ANKRD30A: variants seen among roughly 807,000 people sequenced by gnomAD.
ANKRD30A encodes the protein ankyrin repeat domain 30A.
Under a neutral mutation model 166.3 loss-of-function variants are expected in ANKRD30A, and 170 were observed. The observed-to-expected ratio is 1.02, with a 90% CI of 0.90 to 1.16. ANKRD30A has a LOEUF of 1.16. ANKRD30A is among the 50% of genes most tolerant of loss of function. The pLI is 0.00. For synonymous variants in ANKRD30A, 564 were observed against 508.9 expected (o/e 1.11, Z -1.46); for missense variants, 1,630 against 1,518.0 (o/e 1.07, Z -1.23).
the ANKRD30A span, among the ~76,000 whole-genome samples, chr10:37,256,670 A>C: frequency 1.3e-5 from 2 of 152,210 alleles, no homozygotes; most frequent in Non-Finnish European, 2.9e-5. Context: ...ATCTGTGTTA[A>C]TCTATGTTAG....
At chr10:37,227,083 G>A (rs902748995) in intron 34 of ANKRD30A, among the ~76,000 whole-genome samples, 1 of 151,758 alleles carries the variant, frequency 6.6e-6, no homozygotes, top group Non-Finnish European at 1.5e-5. Flanking sequence ...CAGAAATACA[G>A]TTATCAAATA....
chr10:37,139,557 A>G (rs573220357), intron 6 of ANKRD30A, among the ~76,000 whole-genome samples: 17 of 152,242 alleles, frequency 1.1e-4, no homozygotes, highest in Admixed American at 4.6e-4. Flanking sequence ...TATTTATGCA[A>G]GGTAAGAATT....
intron 21 of ANKRD30A, among the ~76,000 whole-genome samples, chr10:37,171,424 AC>A (rs1839553570): frequency 6.7e-6 from 1 of 149,812 alleles, no homozygotes; most frequent in Non-Finnish European, 1.5e-5. Context: ...AATACGCATT[AC>A]AACTGTTACT....
chr10:37,217,774 A>T lies in ANKRD30A; in HGVS notation c.3163A>T (p.Ile1055Phe), dbSNP rs375399659. The T allele has an allele frequency of 2.1e-4, 336 of 1,598,420 alleles. No individual in the cohort carries two copies. The highest frequency in any genetic ancestry group is 2.8e-4 in the Non-Finnish European group (327 of 1,172,008). The change falls in exon 33 of 36, where the codon ATC (isoleucine) becomes TTC (phenylalanine). Residue 1055 changes from isoleucine (I) to phenylalanine (F), a missense_variant. By Grantham distance (21) the Ile-to-Phe change is conservative. This residue lies in a region of ANKRD30A where 712 missense variants were observed against 629.3 expected (regional missense o/e 1.13). Transcript: ENST00000361713. ...AAAAATTAGGGAAGAATTAGGAAGAATCGAAGAGCAGCATAGGAAAGAGTT... is the reference window on the plus strand; with the variant it reads ...AAAAATTAGGGAAGAATTAGGAAGATTCGAAGAGCAGCATAGGAAAGAGTT... ...NEKIREELGR[I>F]EEQHRKELEV...
chr10:37,201,625 G>T (rs543035585), intron 31 of ANKRD30A, among the ~76,000 whole-genome samples: 1 of 152,028 alleles, frequency 6.6e-6, no homozygotes. Flanking sequence ...GAAAGACAGA[G>T]CGTACAGAGA....
At chr10:37,193,878 G>T (rs112540705) in intron 27 of ANKRD30A, among the ~76,000 whole-genome samples, 1 of 138,140 alleles carries the variant, frequency 7.2e-6, no homozygotes, top group East Asian at 2.1e-4. Context: ...AGTTCTTGTT[G>T]TCATTCCCGT....
Position 37,133,902 on chromosome 10 carries a change from C to T in ANKRD30A, c.618-14C>T. On this transcript the variant is annotated splice_polypyrimidine_tract_variant and intron_variant, in intron 4 of 35. Transcript: ENST00000361713. ...TCTGCTCATAATAATGAAGTTATCT[C>T]TTTGTTATTTTAGCACAGCCCTCAT... 6.2e-7 allele frequency: 1 copy of T among 1,612,980 alleles called. No homozygotes were observed. The highest frequency in any genetic ancestry group is 8.5e-7 in the Non-Finnish European group (1 of 1,179,520).
At chr10:37,229,767 G>A (rs1022425415) in intron 34 of ANKRD30A, among the ~76,000 whole-genome samples, 3 of 151,592 alleles carry the variant, frequency 2.0e-5, no homozygotes, top group Admixed American at 2.0e-4. Context: ...GTACCCTTTT[G>A]ATTTGTTTTC....
At chr10:37,132,529 A>G (rs1283529506) in intron 4 of ANKRD30A, among the ~76,000 whole-genome samples, 183 bp downstream of exon 4, 4 of 152,132 alleles carry the variant, frequency 2.6e-5, no homozygotes, top group South Asian at 2.1e-4. Context: ...ATATAGTAGG[A>G]CTTCTCTTAT....
At chr10:37,252,918 T>C in the ANKRD30A span, among the ~76,000 whole-genome samples, 2 of 152,218 alleles carry the variant, frequency 1.3e-5, no homozygotes, top group African/African-American at 4.8e-5. Context: ...TGAAACACAT[T>C]GTCCTTTTAG....
At chr10:37,148,118 G>A (rs1214204960) in intron 9 of ANKRD30A, among the ~76,000 whole-genome samples, 3 of 151,558 alleles carry the variant, frequency 2.0e-5, no homozygotes, top group Non-Finnish European at 4.4e-5. Context: ...TTAATACACA[G>A]TATCATTCAG....
chr10:37,141,619 T>C, intron 6 of ANKRD30A, 99 bp from the exon 7 acceptor site: 1 of 1,479,940 alleles, frequency 6.8e-7, no homozygotes, highest in Admixed American at 2.3e-5. Flanking sequence ...TGGTAGTATT[T>C]AAGGAAAGCA....
the ANKRD30A span, among the ~76,000 whole-genome samples, chr10:37,258,642 A>C: frequency 6.6e-6 from 1 of 150,438 alleles, no homozygotes; most frequent in Admixed American, 6.6e-5. Context: ...TAAATGTGAA[A>C]GGTTAAAAAT....
intron 8 of ANKRD30A, 37 bp downstream of exon 8, chr10:37,145,093 T>G: frequency 6.9e-7 from 1 of 1,439,842 alleles, no homozygotes; most frequent in East Asian, 2.4e-5. Flanking sequence ...CTAAAAATAT[T>G]AATATTGAGT....
Position 37,141,709 on chromosome 10 carries a change from G to A in ANKRD30A, c.821-9G>A, listed in dbSNP as rs1159343779. The A allele has an allele frequency of 1.1e-5, 18 of 1,611,396 alleles. No individual in the cohort carries two copies. In the South Asian group the frequency reaches 1.2e-4, roughly 11 times the overall value. On this transcript the variant is annotated splice_polypyrimidine_tract_variant and intron_variant, in intron 6 of 35. Coordinates refer to ENST00000361713, the MANE Select transcript of ANKRD30A (RefSeq NM_052997.3). ...GAAGGAAAATTTAACCAGATTGTGT[G>A]TTTGGCAGAAGGAACATCTGCAGGA...
chr10:37,247,936 G>A, the ANKRD30A span, among the ~76,000 whole-genome samples: 2 of 151,448 alleles, frequency 1.3e-5, no homozygotes, highest in African/African-American at 4.9e-5. Context: ...TTAATACCTG[G>A]GTGATGAAAT....
intron 33 of ANKRD30A, 115 bp downstream of exon 33, chr10:37,217,993 G>C (rs933143100): frequency 9.0e-6 from 6 of 664,274 alleles, no homozygotes; most frequent in Non-Finnish European, 1.1e-5. Context: ...CAAAAATGTT[G>C]TCTTAAAATT....
At chr10:37,195,038 C>T (rs1840964829) in intron 27 of ANKRD30A, among the ~76,000 whole-genome samples, 1 of 152,072 alleles carries the variant, frequency 6.6e-6, no homozygotes, top group Non-Finnish European at 1.5e-5. Context: ...TTAGTTTACA[C>T]TTCTTAGAAA....
intron 29 of ANKRD30A, among the ~76,000 whole-genome samples, chr10:37,197,830 T>C (rs560899335): frequency 8.5e-5 from 13 of 152,256 alleles, no homozygotes; most frequent in East Asian, 7.7e-4. Context: ...CCACGGTTTA[T>C]TTCGGGGATC....
Sources: allele counts gnomAD v4.1 joint callset (sites outside exome capture counted in the v4.1 genomes callset), GRCh38; gene constraint gnomAD v4.1.1; regional missense constraint gnomAD v4.1.1; transcripts MANE v1.5; gene names NCBI Gene and HGNC (gene_info 2026-07-23, HGNC 2026-07-21).